Variants in BIN2 observed in about 807,000 individuals in gnomAD.
BIN2 encodes bridging integrator 2, also known as breast cancer associated protein BRAP1.
Under a neutral mutation model 67.9 loss-of-function variants are expected in BIN2, and 43 were observed. That is an observed-to-expected ratio of 0.63 (90% CI 0.50 to 0.82). BIN2 has a LOEUF of 0.82. Among genes scored for constraint, BIN2 ranks in the 40% least tolerant of loss-of-function variants. The pLI is 0.00. For synonymous variants in BIN2, 244 were observed against 246.8 expected (o/e 0.99, Z 0.11); for missense variants, 581 against 671.6 (o/e 0.87, Z 1.49).
intron 10 of BIN2, among the ~76,000 whole-genome samples, chr12:51,289,043 C>T (rs548827813): frequency 1.3e-5 from 2 of 151,992 alleles, no homozygotes; most frequent in East Asian, 1.9e-4. Flanking sequence ...CCACTGCGCC[C>T]GGCCCTTAGC....
In BIN2 at chr12:51,291,647, T is replaced by C. The variant is rs932886675; in HGVS notation, c.1459A>G (p.Ile487Val). 5.0e-6 allele frequency: 8 copies of C among 1,613,388 alleles called. No individual in the cohort carries two copies. The African/African-American group carries it at 9.3e-5, about 19-fold the overall frequency. Reference protein sequence around the residue: ...RTPEAKENENIHNQNPEELCT... With the variant: ...RTPEAKENENVHNQNPEELCT... ...AGTTCTTCAGGGTTCTGATTGTGGATGTTTTCATTTTCTTTGGCCTCAGGA... is the reference window on the plus strand; with the variant it reads ...AGTTCTTCAGGGTTCTGATTGTGGACGTTTTCATTTTCTTTGGCCTCAGGA... The change falls in exon 10 of 13, where the codon ATC (isoleucine) becomes GTC (valine). Residue 487 changes from isoleucine (I) to valine (V), a missense_variant. Ile to Val is a conservative substitution (Grantham distance 29). Transcript: ENST00000615107.
chr12:51,285,913 A>G (rs1250925805), intron 11 of BIN2, among the ~76,000 whole-genome samples: 1 of 152,162 alleles, frequency 6.6e-6, no homozygotes, highest in African/African-American at 2.4e-5. Context: ...CACCTGGCCA[A>G]CAGAACCAAT....
At chr12:51,316,491 C>G (rs1456092988) in intron 1 of BIN2, among the ~76,000 whole-genome samples, 7 of 151,796 alleles carry the variant, frequency 4.6e-5, no homozygotes, top group African/African-American at 1.7e-4. Context: ...GGGAAATTGT[C>G]TCAAAAAAAA....
At chr12:51,290,592 C>T (rs1163308890) in intron 10 of BIN2, among the ~76,000 whole-genome samples, 3 of 149,112 alleles carry the variant, frequency 2.0e-5, no homozygotes. Flanking sequence ...TTTGGGAGGC[C>T]GAGGCAGGCG....
At chr12:51,322,130 C>G (rs1211665333) in intron 1 of BIN2, among the ~76,000 whole-genome samples, 2 of 148,740 alleles carry the variant, frequency 1.3e-5, no homozygotes, top group African/African-American at 4.9e-5. Context: ...CTGGTTCTGT[C>G]TTTGGGAAGT....
intron 11 of BIN2, among the ~76,000 whole-genome samples, chr12:51,285,054 C>T (rs893690866): frequency 6.6e-6 from 1 of 152,102 alleles, no homozygotes; most frequent in Non-Finnish European, 1.5e-5. Flanking sequence ...GAGTTGTTTC[C>T]ATGATCAAAC....
chr12:51,291,486 T>G, intron 10 of BIN2, 105 bp downstream of exon 10: 91 of 1,140,484 alleles, frequency 8.0e-5, no homozygotes, highest in Non-Finnish European at 1.0e-4. Context: ...GAGACTGCAA[T>G]GAGCTGTGAT....
chr12:51,324,393 CAGT>C (rs1247048538), upstream of BIN2: 13 of 1,337,526 alleles, frequency 9.7e-6, no homozygotes, highest in African/African-American at 3.0e-5. Context: ...ACCAGGTCCT[CAGT>C]GGTGGGCCCA....
chr12:51,312,516 C>G (rs1592277452), intron 2 of BIN2, among the ~76,000 whole-genome samples: 1 of 152,142 alleles, frequency 6.6e-6, no homozygotes, highest in East Asian at 1.9e-4. Flanking sequence ...CTTAGACAGC[C>G]TCCCTCTGTT....
At chr12:51,305,480 C>T (rs1375667082) in intron 2 of BIN2, among the ~76,000 whole-genome samples, 1 of 150,840 alleles carries the variant, frequency 6.6e-6, no homozygotes, top group Non-Finnish European at 1.5e-5. Flanking sequence ...AAAAATTAGC[C>T]AGGCATGGTG....
At chr12:51,290,646 G>A (rs1048406751) in intron 10 of BIN2, among the ~76,000 whole-genome samples, 2 of 151,128 alleles carry the variant, frequency 1.3e-5, no homozygotes, top group Non-Finnish European at 3.0e-5. Flanking sequence ...CCAACTTGGA[G>A]AAACCAGCTG....
intron 10 of BIN2, among the ~76,000 whole-genome samples, chr12:51,288,866 C>A (rs1374566296): frequency 6.6e-6 from 1 of 151,940 alleles, no homozygotes; most frequent in Non-Finnish European, 1.5e-5. Context: ...TCTCCTGCCT[C>A]AGCCTCCCGA....
intron 1 of BIN2, among the ~76,000 whole-genome samples, chr12:51,323,620 CTA>C (rs966838922): frequency 2.0e-5 from 3 of 152,206 alleles, no homozygotes; most frequent in African/African-American, 7.2e-5. Context: ...AAATTGCCCT[CTA>C]TGGAAAATTA....
chr12:51,302,765 G>T lies in BIN2; in HGVS notation c.233C>A (p.Ser78Ter). 6.2e-7 allele frequency: 1 copy of T among 1,613,674 alleles called. No homozygotes were observed. Among genetic ancestry groups the T allele is most frequent in the South Asian group, 1.1e-5 (1 of 91,044 alleles). Residue 78 changes from serine to a stop codon, truncating the protein, a stop_gained, in exon 4 of 13, where the codon TCA becomes TAA. Coordinates refer to ENST00000615107, the MANE Select transcript of BIN2 (RefSeq NM_016293.4). LOFTEE classifies it high-confidence loss of function. ...CTGCAGGGTTTCTGACACTCTTTTT[G>T]AACTTTCATGCATCACTGAAAGGAG... is the stretch of plus-strand genomic sequence containing the variant. ...LSAVKVMHESSKRVSETLQEI... is the reference protein window; with the variant it reads ...LSAVKVMHES
At chr12:51,306,885 C>G (rs1206576307) in intron 2 of BIN2, among the ~76,000 whole-genome samples, 3 of 152,138 alleles carry the variant, frequency 2.0e-5, no homozygotes, top group Admixed American at 6.6e-5. Flanking sequence ...ATGTATACAA[C>G]ATCTTTTAAA....
intron 10 of BIN2, among the ~76,000 whole-genome samples, chr12:51,290,809 C>T (rs9795976): frequency 0.82 from 124,871 of 151,948 alleles, 52,517 homozygotes; most frequent in East Asian, 0.94. Context: ...GGCCGGCACC[C>T]GTAGTCCCAG....
At position 51,308,419 on chromosome 12, in the gene BIN2, A is replaced by C. The variant is rs1385899902; in HGVS notation, c.163-5278T>G. Among the ~76,000 whole-genome samples, 5 of 152,278 alleles carry C rather than the reference A, an allele frequency of 3.3e-5. No homozygotes were observed. The East Asian group carries it at 9.6e-4, about 29-fold the overall frequency. ...CATTATACAAACAGTCCCAACCCTC[A>C]GTTAATGAACCACTCACACCAGAAG... On this transcript the variant is annotated intron_variant, in intron 2 of 12. Transcript: ENST00000615107.
At chr12:51,313,538 A>T (rs918091186) in intron 2 of BIN2, among the ~76,000 whole-genome samples, 1 of 151,836 alleles carries the variant, frequency 6.6e-6, no homozygotes, top group Non-Finnish European at 1.5e-5. Flanking sequence ...ACGGGGTTTC[A>T]TCATGTTGGC....
intron 9 of BIN2, among the ~76,000 whole-genome samples, 171 bp downstream of exon 9, chr12:51,295,625 T>G (rs192004499): frequency 0.2 from 21,630 of 109,246 alleles, 4,870 homozygotes; most frequent in East Asian, 0.53. Flanking sequence ...TATATATATA[T>G]ATATATTTAG....
Sources: allele counts gnomAD v4.1 joint callset (sites outside exome capture counted in the v4.1 genomes callset), GRCh38; gene constraint gnomAD v4.1.1; transcripts MANE v1.5; gene names NCBI Gene and HGNC (gene_info 2026-07-23, HGNC 2026-07-21).